Variants in EDIL3 observed in about 807,000 individuals in gnomAD.
The protein encoded by EDIL3 is EGF like and discoidin domains 3.
EDIL3 carries 37 observed loss-of-function variants against 67.4 expected under a neutral mutation model. That is an observed-to-expected ratio of 0.55 (90% CI 0.42 to 0.72). The LOEUF (loss-of-function observed/expected upper bound fraction) is 0.72, where lower values mean the gene tolerates loss of function less well. Ranked by LOEUF, EDIL3 falls within the 30% of genes least tolerant of loss-of-function variation. The pLI, the probability that EDIL3 is intolerant of heterozygous loss-of-function variation, is 0.00. For synonymous variants in EDIL3, 195 were observed against 196.3 expected (o/e 0.99, Z 0.05); for missense variants, 527 against 586.3 (o/e 0.90, Z 1.04).
chr5:83,994,636 T>A (rs1259750232), intron 9 of EDIL3, among the ~76,000 whole-genome samples: 1 of 152,176 alleles, frequency 6.6e-6, no homozygotes, highest in Admixed American at 6.5e-5. Flanking sequence ...TGGCATTTTA[T>A]CAGAGAGAAA....
At chr5:84,164,442 A>AC (rs1748669097) in intron 4 of EDIL3, among the ~76,000 whole-genome samples, 1 of 152,112 alleles carries the variant, frequency 6.6e-6, no homozygotes, top group South Asian at 2.1e-4. Flanking sequence ...TATTTATAGT[A>AC]CAGCTACCAT....
intron 1 of EDIL3, among the ~76,000 whole-genome samples, chr5:84,294,753 T>G (rs1001305895): frequency 6.6e-6 from 1 of 152,326 alleles, no homozygotes; most frequent in Admixed American, 6.5e-5. Context: ...AAGAACTTAC[T>G]GAGTGTCAGG....
chr5:84,035,798 C>T lies in EDIL3; in HGVS notation c.1137+24502G>A, dbSNP rs144568671. 2.1e-3 allele frequency among the ~76,000 whole-genome samples: 322 copies of T among 152,294 alleles called. 1 individual carries two copies. Among genetic ancestry groups the T allele is most frequent in the African/African-American group, 7.6e-3 (314 of 41,568 alleles). Reference sequence around the variant, plus strand: ...TTAGGTTTCTGCTCAAATATCCTTTCTCAGTATATCTTTCTGAATTCTCAG... The same window carrying T: ...TTAGGTTTCTGCTCAAATATCCTTTTTCAGTATATCTTTCTGAATTCTCAG... On this transcript the variant is annotated intron_variant, in intron 9 of 10. Coordinates refer to ENST00000296591, the MANE Select transcript of EDIL3 (RefSeq NM_005711.5).
chr5:84,193,177 C>T, intron 3 of EDIL3, among the ~76,000 whole-genome samples: 1 of 151,852 alleles, frequency 6.6e-6, no homozygotes, highest in East Asian at 1.9e-4. Context: ...GATTTGTTTG[C>T]TATATGGAGA....
chr5:84,019,208 T>C lies in EDIL3; in HGVS notation c.1137+41092A>G, dbSNP rs1047371946. ...GGCACATATACACCATGGAATACTA[T>C]GCAGCCATAAAAAATGATGAATTCA... On this transcript the variant is annotated intron_variant, in intron 9 of 10. Transcript: ENST00000296591. Among the ~76,000 whole-genome samples, 323 of 152,254 alleles carry C rather than the reference T, an allele frequency of 2.1e-3. 1 individual carries two copies. Among genetic ancestry groups the C allele is most frequent in the African/African-American group, 7.6e-3 (315 of 41,544 alleles).
intron 6 of EDIL3, among the ~76,000 whole-genome samples, chr5:84,086,498 T>G (rs1747074820): frequency 6.6e-6 from 1 of 151,936 alleles, no homozygotes; most frequent in Non-Finnish European, 1.5e-5. Context: ...GCCTAACCAA[T>G]CCAGTGAGAT....
intron 1 of EDIL3, among the ~76,000 whole-genome samples, chr5:84,331,928 T>G (rs1273505169): frequency 6.6e-6 from 1 of 152,132 alleles, no homozygotes. Context: ...TGCCTAGAGT[T>G]AGGGGCAAAT....
At chr5:84,225,851 A>G (rs1182009808) in intron 3 of EDIL3, among the ~76,000 whole-genome samples, 2 of 151,640 alleles carry the variant, frequency 1.3e-5, no homozygotes, top group East Asian at 3.8e-4. Context: ...AGGAACTTAC[A>G]TTTTTAGATA....
At chr5:84,293,890 A>G (rs1358724870) in intron 1 of EDIL3, among the ~76,000 whole-genome samples, 1 of 151,870 alleles carries the variant, frequency 6.6e-6, no homozygotes, top group East Asian at 1.9e-4. Context: ...TTCTTGCAAC[A>G]AAAGTCTTAA....
At chr5:84,231,089 C>T (rs1012885088) in intron 2 of EDIL3, among the ~76,000 whole-genome samples, 3 of 152,062 alleles carry the variant, frequency 2.0e-5, no homozygotes, top group African/African-American at 7.2e-5. Context: ...TAACTTGTAG[C>T]CAGGATTGAG....
chr5:84,271,301 C>A (rs1745468443), intron 1 of EDIL3, among the ~76,000 whole-genome samples: 1 of 151,890 alleles, frequency 6.6e-6, no homozygotes, highest in Admixed American at 6.6e-5. Context: ...GTAGTCCCAG[C>A]TACTCGGGAG....
chr5:84,291,938 C>T (rs1456141565), intron 1 of EDIL3, among the ~76,000 whole-genome samples: 1 of 151,300 alleles, frequency 6.6e-6, no homozygotes, highest in East Asian at 1.9e-4. Flanking sequence ...GTAGCTCCAA[C>T]TCCAACATAT....
rs570187997 is a variant in EDIL3, at chr5:84,055,611, A to G, written c.1137+4689T>C. The stretch of plus-strand genomic sequence containing the variant: ...TACAAAGAACTCAAACAAATTTACA[A>G]GAAAAAAACAAACAACCCCATCAAA... On this transcript the variant is annotated intron_variant, in intron 9 of 10. Coordinates refer to ENST00000296591, the MANE Select transcript of EDIL3 (RefSeq NM_005711.5). Among the ~76,000 whole-genome samples, 5 of 152,210 alleles carry G rather than the reference A, an allele frequency of 3.3e-5. No homozygotes were observed. The South Asian group carries it at 1.0e-3, about 32-fold the overall frequency.
chr5:84,034,622 T>C (rs1745985107), intron 9 of EDIL3, among the ~76,000 whole-genome samples: 1 of 152,170 alleles, frequency 6.6e-6, no homozygotes, highest in Non-Finnish European at 1.5e-5. Flanking sequence ...TGTTCATTCA[T>C]TGGTTATGAG....
chr5:84,243,664 G>C (rs1460668419), intron 2 of EDIL3, among the ~76,000 whole-genome samples: 1 of 152,152 alleles, frequency 6.6e-6, no homozygotes, highest in Non-Finnish European at 1.5e-5. Flanking sequence ...TATTTTCCAA[G>C]GATTAGTACG....
intron 9 of EDIL3, among the ~76,000 whole-genome samples, chr5:84,053,525 T>A (rs1203076889): frequency 1.3e-5 from 2 of 151,982 alleles, no homozygotes; most frequent in Admixed American, 6.6e-5. Flanking sequence ...CAGGAGCTGG[T>A]TTTTTGAAAA....
At position 83,992,641 on chromosome 5, in the gene EDIL3, G is replaced by A. The variant is rs140783765; in HGVS notation, c.1138-29281C>T. Among the ~76,000 whole-genome samples the A allele has an allele frequency of 1.7e-3, 257 of 152,108 alleles. 3 individuals carry two copies. The highest frequency in any genetic ancestry group is 5.4e-3 in the African/African-American group (226 of 41,528). The stretch of plus-strand genomic sequence containing the variant: ...TAGTCAATTCCAGCTTTAAGTTACC[G>A]TATCAGTGAAAACACTGAGATATTT... On this transcript the variant is annotated intron_variant, in intron 9 of 10. Transcript: ENST00000296591.
chr5:84,223,596 A>C (rs1744392130), intron 3 of EDIL3, among the ~76,000 whole-genome samples: 2 of 151,664 alleles, frequency 1.3e-5, no homozygotes, highest in African/African-American at 4.8e-5. Context: ...ATAGAAATAG[A>C]GCAGAATAGT....
intron 6 of EDIL3, among the ~76,000 whole-genome samples, chr5:84,104,157 C>T (rs10051312): frequency 4.6e-5 from 7 of 151,678 alleles, no homozygotes; most frequent in Non-Finnish European, 7.4e-5. Context: ...CTTAGCACCA[C>T]TTACAGTGGG....
Sources: allele counts gnomAD v4.1 joint callset (sites outside exome capture counted in the v4.1 genomes callset), GRCh38; gene constraint gnomAD v4.1.1; transcripts MANE v1.5; gene names NCBI Gene and HGNC (gene_info 2026-07-23, HGNC 2026-07-21).